The following OSBP variants were observed in gnomAD, a reference collection of about 807,000 sequenced individuals.
OSBP encodes oxysterol-binding protein 1.
Under a neutral mutation model 96.6 loss-of-function variants are expected in OSBP, and 32 were observed. That is an observed-to-expected ratio of 0.33 (90% CI 0.25 to 0.45). The LOEUF (loss-of-function observed/expected upper bound fraction) is 0.45. Among genes scored for constraint, OSBP ranks in the 20% least tolerant of loss-of-function variants. The probability of loss-of-function intolerance (pLI) is 1.00; values close to 1 mark genes in which losing one functional copy is unlikely to be tolerated. For missense variants in OSBP, 653 were observed against 1,029.7 expected, an observed-to-expected ratio of 0.63 and a Z score of 5.01; for synonymous variants, 369 against 389.6, an observed-to-expected ratio of 0.95 and a Z score of 0.62.
chr11:59,583,579 A>G (rs919755029), intron 9 of OSBP, among the ~76,000 whole-genome samples: 2 of 151,052 alleles, frequency 1.3e-5, no homozygotes, highest in African/African-American at 2.4e-5. Flanking sequence ...ATTTCATTTA[A>G]TATTCACAAA....
chr11:59,584,543 C>A (rs1436356559), intron 9 of OSBP, among the ~76,000 whole-genome samples: 1 of 152,174 alleles, frequency 6.6e-6, no homozygotes, highest in Non-Finnish European at 1.5e-5. Flanking sequence ...CGAAAAAACA[C>A]ATGATCATCT....
chr11:59,598,122 C>T (rs1261922069), intron 7 of OSBP, among the ~76,000 whole-genome samples: 3 of 152,196 alleles, frequency 2.0e-5, no homozygotes, highest in African/African-American at 7.2e-5. Context: ...GCACCCAGCC[C>T]AACACTTCTC....
intron 10 of OSBP, among the ~76,000 whole-genome samples, chr11:59,580,765 C>T (rs1422073758): frequency 3.3e-5 from 5 of 151,996 alleles, no homozygotes; most frequent in East Asian, 1.9e-4. Context: ...GTGATCCTCC[C>T]GCCTTGGCCT....
chr11:59,601,684 G>A lies in OSBP; in HGVS notation c.977C>T (p.Thr326Met), dbSNP rs1469004266. Residue 326 changes from threonine to methionine, a missense_variant, in exon 4 of 14, where the codon ACG (threonine) becomes ATG (methionine). By Grantham distance (81) the Thr-to-Met change is moderately conservative. Around this residue, in one of 6 missense-constraint regions of OSBP, gnomAD observed 308 missense variants for 573.1 expected, o/e 0.54. Transcript: ENST00000263847. Reference sequence around the variant, plus strand: ...GCCAGGAGTGTTTGCCGGCAGCACCGTGGCTCCTCGGAAGGCCCTCTCCAG... The same window carrying A: ...GCCAGGAGTGTTTGCCGGCAGCACCATGGCTCCTCGGAAGGCCCTCTCCAG... ...NHLERAFRGATVLPANTPGNV... is the reference protein window; with the variant it reads ...NHLERAFRGAMVLPANTPGNV... 5 of 1,613,254 alleles carry A rather than the reference G, an allele frequency of 3.1e-6. No homozygotes were observed. The highest frequency in any genetic ancestry group is 2.2e-5 in the East Asian group (1 of 44,890).
chr11:59,578,065 G>T, intron 12 of OSBP, 84 bp downstream of exon 12: 1 of 1,263,626 alleles, frequency 7.9e-7, no homozygotes, highest in South Asian at 1.3e-5. Context: ...ATAATTAAGT[G>T]AGAGGGCAGG....
intron 9 of OSBP, among the ~76,000 whole-genome samples, chr11:59,586,196 A>G (rs1343323792): frequency 1.3e-5 from 2 of 151,642 alleles, no homozygotes; most frequent in Non-Finnish European, 2.9e-5. Context: ...AAAAAAGAAA[A>G]AAAAAAGAAT....
intron 10 of OSBP, among the ~76,000 whole-genome samples, 178 bp from the exon 11 acceptor site, chr11:59,580,447 T>C (rs916407904): frequency 3.3e-5 from 5 of 152,234 alleles, no homozygotes; most frequent in Non-Finnish European, 5.9e-5. Flanking sequence ...GTTTTCCAGG[T>C]TGAGATCAAG....
At chr11:59,603,291 T>C (rs1055963908) in intron 3 of OSBP, among the ~76,000 whole-genome samples, 17 of 152,098 alleles carry the variant, frequency 1.1e-4, no homozygotes, top group Non-Finnish European at 2.9e-5. Context: ...AATAAATAAA[T>C]AAAGGAAGGA....
rs560926977 is a variant in OSBP, at chr11:59,574,566, G to A, written c.*2011C>T. 1 of 152,544 alleles carries A rather than the reference G, an allele frequency of 6.6e-6. No individual in the cohort carries two copies. Among genetic ancestry groups the A allele is most frequent in the Admixed American group, 6.6e-5 (1 of 15,264 alleles). The allele number at this position is 152,544 out of a possible 1,614,324, so 9.4% of individuals were successfully genotyped here. A position where few individuals can be genotyped will look rare whatever the true frequency, so the allele number is the denominator to read the frequency against. On this transcript the variant is annotated 3_prime_UTR_variant, in exon 14 of 14. Coordinates refer to ENST00000263847, the MANE Select transcript of OSBP (RefSeq NM_002556.3). ...GCGGGAATCTGATTGGGATCAGCCAGAAATGTAGTGCAGATGGTGAAGGAA... is the reference window on the plus strand; with the variant it reads ...GCGGGAATCTGATTGGGATCAGCCAAAAATGTAGTGCAGATGGTGAAGGAA...
chr11:59,583,643 T>TG (rs1216173055), intron 9 of OSBP, among the ~76,000 whole-genome samples: 29 of 135,176 alleles, frequency 2.1e-4, no homozygotes, highest in Non-Finnish European at 3.4e-4. Context: ...TGTTTTTTTT[T>TG]TTTTTTTTTT....
At chr11:59,610,331 T>A in intron 2 of OSBP, 50 bp downstream of exon 2, 5 of 1,509,586 alleles carry the variant, frequency 3.3e-6, no homozygotes, top group Non-Finnish European at 4.6e-6. Flanking sequence ...AATCTGTGCA[T>A]AAAAGGGGCA....
chr11:59,606,300 T>C (rs1184066824), intron 3 of OSBP, among the ~76,000 whole-genome samples: 1 of 152,004 alleles, frequency 6.6e-6, no homozygotes, highest in African/African-American at 2.4e-5. Context: ...AGATTCACTT[T>C]GACAGTTAGA....
chr11:59,581,442 T>C lies in OSBP; in HGVS notation c.1782+9A>G, dbSNP rs2134652635. On this transcript the variant is annotated intron_variant, in intron 10 of 13. Coordinates refer to ENST00000263847, the MANE Select transcript of OSBP (RefSeq NM_002556.3). ...AAACTTCACACACACTTTGGGTACC[T>C]TTCCTCACCTGATCTATCCACAACT... is the stretch of plus-strand genomic sequence containing the variant. 6.5e-7 allele frequency: 1 copy of C among 1,547,856 alleles called. No homozygotes were observed. Among genetic ancestry groups the C allele is most frequent in the Non-Finnish European group, 8.9e-7 (1 of 1,123,746 alleles).
intron 7 of OSBP, 36 bp from the exon 8 acceptor site, chr11:59,594,291 A>T (rs1280527219): frequency 2.5e-6 from 4 of 1,605,794 alleles, no homozygotes; most frequent in African/African-American, 1.3e-5. Context: ...AACTATGCTC[A>T]CTCATCTATA....
chr11:59,583,708 G>A (rs35186730), intron 9 of OSBP, among the ~76,000 whole-genome samples: 3 of 141,836 alleles, frequency 2.1e-5, no homozygotes, highest in Non-Finnish European at 4.5e-5. Flanking sequence ...CAGTGGCACG[G>A]TCTCGGCTCA....
intron 7 of OSBP, among the ~76,000 whole-genome samples, chr11:59,595,999 A>AT (rs1460919131): frequency 6.6e-6 from 1 of 150,540 alleles, no homozygotes; most frequent in Non-Finnish European, 1.5e-5. Context: ...AAATAAATAA[A>AT]ATTCATAAAC....
chr11:59,592,799 CTTT>C (rs11440698), intron 9 of OSBP, among the ~76,000 whole-genome samples: 3 of 141,588 alleles, frequency 2.1e-5, no homozygotes, highest in African/African-American at 2.6e-5. Flanking sequence ...TGGGTTTTTC[CTTT>C]TTTTTTTTTT....
intron 3 of OSBP, among the ~76,000 whole-genome samples, chr11:59,603,837 G>T (rs924335253): frequency 6.6e-6 from 1 of 152,120 alleles, no homozygotes; most frequent in African/African-American, 2.4e-5. Flanking sequence ...TTCCTATGTT[G>T]TCTCTGCTTT....
intron 5 of OSBP, 64 bp from the exon 6 acceptor site, chr11:59,600,937 A>G (rs1022500430): frequency 4.3e-6 from 6 of 1,389,142 alleles, no homozygotes; most frequent in Non-Finnish European, 6.1e-6. Flanking sequence ...GGTCCTGGAC[A>G]TTTCTTTACA....
Sources: allele counts gnomAD v4.1 joint callset (sites outside exome capture counted in the v4.1 genomes callset), GRCh38; gene constraint gnomAD v4.1.1; regional missense constraint gnomAD v4.1.1; transcripts MANE v1.5; gene names NCBI Gene and HGNC (gene_info 2026-07-23, HGNC 2026-07-21).